The following ZNF543 variants were observed in gnomAD, a reference collection of about 807,000 sequenced individuals.
The protein encoded by ZNF543 is zinc finger protein 543.
A neutral mutation model predicts 13.4 loss-of-function variants in ZNF543; 10 were observed. The ratio of observed to expected loss-of-function variants is 0.75; its 90% confidence interval spans 0.46 to 1.26. ZNF543 has a LOEUF of 1.26. Among genes scored for constraint, ZNF543 ranks in the 50% most tolerant of loss-of-function variants. The pLI, the probability that ZNF543 is intolerant of heterozygous loss-of-function variation, is 0.00. For synonymous variants in ZNF543, 272 were observed against 264.7 expected, an observed-to-expected ratio of 1.03 and a Z score of -0.27; for missense variants, 768 against 741.2, an observed-to-expected ratio of 1.04 and a Z score of -0.42.
Position 57,328,664 on chromosome 19 carries a change from G to A in ZNF543, c.1202G>A (p.Gly401Glu), listed in dbSNP as rs750538577. 3 of 1,613,888 alleles carry A rather than the reference G, an allele frequency of 1.9e-6. No individual in the cohort carries two copies. Among genetic ancestry groups the A allele is most frequent in the Non-Finnish European group, 2.5e-6 (3 of 1,180,006 alleles). The change falls in exon 4 of 4, where the codon GGG (glycine) becomes GAG (glutamate). Residue 401 changes from glycine to glutamate, a missense_variant. This residue lies in a region of ZNF543 where 677 missense variants were observed against 631.4 expected (regional missense o/e 1.07). Transcript: ENST00000321545. ...GEKPYKCMEC[G>E]KAFNRRSHLK... ...AAGCCCTATAAGTGCATGGAGTGTG[G>A]GAAGGCGTTCAACCGTAGGTCACAC...
Position 57,326,843 on chromosome 19 carries a change from G to A in ZNF543, c.241+115G>A, listed in dbSNP as rs2088123702. The A allele has an allele frequency of 6.3e-6, 5 of 788,800 alleles. No individual in the cohort carries two copies. In the South Asian group the frequency reaches 8.3e-5, roughly 13 times the overall value. The allele number at this position is 788,800 out of a possible 1,614,324, so 48.9% of individuals were successfully genotyped here. On this transcript the variant is annotated intron_variant, in intron 3 of 3. Coordinates refer to ENST00000321545, the MANE Select transcript of ZNF543 (RefSeq NM_213598.4). ...TATTGTGGTCTCTCTGGGTGCTTGGGATCCATGGAGCCTCTCCCCGCCCGC... is the reference window on the plus strand; with the variant it reads ...TATTGTGGTCTCTCTGGGTGCTTGGAATCCATGGAGCCTCTCCCCGCCCGC...
chr19:57,323,704 T>C lies in ZNF543; in HGVS notation c.41T>C (p.Val14Ala), dbSNP rs2088103765. The C allele has an allele frequency of 6.2e-7, 1 of 1,613,600 alleles. No individual in the cohort carries two copies. The highest frequency in any genetic ancestry group is 1.3e-5 in the African/African-American group (1 of 75,030). ...SAQVSVTFEDVAVTFTQEEWG... is the reference protein window; with the variant it reads ...SAQVSVTFEDAAVTFTQEEWG... ...CAGGTGTCTGTGACCTTTGAGGATG[T>C]GGCTGTGACATTCACCCAGGAGGAG... Residue 14 changes from valine to alanine, a missense_variant, in exon 2 of 4, where the codon GTG becomes GCG. This residue lies in a region of ZNF543 where 77 missense variants were observed against 75.5 expected (regional missense o/e 1.02). Coordinates refer to ENST00000321545, the MANE Select transcript of ZNF543 (RefSeq NM_213598.4).
In ZNF543 at chr19:57,329,390, C is replaced by G; in HGVS notation, c.*125C>G. On this transcript the variant is annotated 3_prime_UTR_variant, in exon 4 of 4. Transcript: ENST00000321545. ...ACAATCAAGTTAGAAATTGAACCAG[C>G]CTGGAGTCTTATTCTCCACCTGAGA... 7.4e-7 allele frequency: 1 copy of G among 1,345,424 alleles called. No individual in the cohort carries two copies. Among genetic ancestry groups the G allele is most frequent in the Non-Finnish European group, 1.0e-6 (1 of 996,900 alleles). The allele number at this position is 1,345,424 out of a possible 1,614,324, so 83.3% of individuals were successfully genotyped here. A position where few individuals can be genotyped will look rare whatever the true frequency, so the allele number is the denominator to read the frequency against.
intron 1 of ZNF543, 135 bp from the exon 2 acceptor site, chr19:57,323,547 G>A (rs778365162): frequency 8.5e-7 from 1 of 1,171,634 alleles, no homozygotes; most frequent in Non-Finnish European, 1.3e-6. Context: ...GCCTGGCACA[G>A]ATCATGGCCC....
Position 57,329,404 on chromosome 19 carries a change from C to G in ZNF543, c.*139C>G, listed in dbSNP as rs2088148502. 1.6e-6 allele frequency: 2 copies of G among 1,224,854 alleles called. No individual in the cohort carries two copies. Among genetic ancestry groups the G allele is most frequent in the East Asian group, 2.4e-5 (1 of 42,054 alleles). The allele number at this position is 1,224,854 out of a possible 1,614,324, so 75.9% of individuals were successfully genotyped here. ...AATTGAACCAGCCTGGAGTCTTATT[C>G]TCCACCTGAGAATTCACCCATGAGA... On this transcript the variant is annotated 3_prime_UTR_variant, in exon 4 of 4. Coordinates refer to ENST00000321545, the MANE Select transcript of ZNF543 (RefSeq NM_213598.4).
In ZNF543 at chr19:57,326,677, A is replaced by C. The variant is rs148730252; in HGVS notation, c.190A>C (p.Arg64=). 2.0e-5 allele frequency: 33 copies of C among 1,614,032 alleles called. No individual in the cohort carries two copies. The African/African-American group carries it at 4.1e-4, about 20-fold the overall frequency. The change falls in exon 3 of 4, where the codon AGA becomes CGA. Residue 64 remains arginine (R), a synonymous_variant. Transcript: ENST00000321545. ...AGAGCTGATCTACCAGTTGGATCACAGACAGGAGCTATGGATGGCTACAAA... is the reference window on the plus strand; with the variant it reads ...AGAGCTGATCTACCAGTTGGATCACCGACAGGAGCTATGGATGGCTACAAA... ...KPELIYQLDH[R]QELWMATKDL...
At chr19:57,323,952 G>C in intron 2 of ZNF543, 144 bp downstream of exon 2, 9 of 992,382 alleles carry the variant, frequency 9.1e-6, no homozygotes, top group East Asian at 2.7e-5. Context: ...GCACTTGGGA[G>C]ACCAGGGTCT....
chr19:57,328,277 G>A lies in ZNF543; in HGVS notation c.815G>A (p.Arg272Gln), dbSNP rs370589594. Residue 272 changes from arginine to glutamine, a missense_variant, in exon 4 of 4, where the codon CGG becomes CAG. Transcript: ENST00000321545. ...KAFNRRSHLT[R>Q]HQRIHSGEKP... Reference sequence around the variant, plus strand: ...TTTAACCGCAGGTCACACCTCACACGGCACCAGCGGATTCACAGTGGAGAG... The same window carrying A: ...TTTAACCGCAGGTCACACCTCACACAGCACCAGCGGATTCACAGTGGAGAG... The A allele has an allele frequency of 1.3e-5, 21 of 1,611,390 alleles. No homozygotes were observed. Among genetic ancestry groups the A allele is most frequent in the Middle Eastern group, 1.7e-4 (1 of 6,042 alleles).
At chr19:57,322,012 T>G (rs2088092852) in intron 1 of ZNF543, among the ~76,000 whole-genome samples, 1 of 152,136 alleles carries the variant, frequency 6.6e-6, no homozygotes, top group Admixed American at 6.5e-5. Context: ...GGACACAAGA[T>G]TTTGTGGTCT....
intron 1 of ZNF543, among the ~76,000 whole-genome samples, chr19:57,322,315 C>G (rs549321293): frequency 6.6e-6 from 1 of 152,232 alleles, no homozygotes; most frequent in East Asian, 1.9e-4. Flanking sequence ...GGTGACTCTT[C>G]TGTGAGGTAG....
rs2088156174 is a variant in ZNF543 at position 57,330,406 on chromosome 19, C to G, written c.*1141C>G. 6.6e-6 allele frequency: 1 copy of G among 151,998 alleles called. No individual in the cohort carries two copies. 9.4% of individuals were successfully genotyped at this position (151,998 alleles called of 1,614,324 possible). ...CCTCTCCTTTGAGTTAGGTCCACCTCAGTTTTCTAAAGGTCAAATTAAGGC... is the reference window on the plus strand; with the variant it reads ...CCTCTCCTTTGAGTTAGGTCCACCTGAGTTTTCTAAAGGTCAAATTAAGGC... On this transcript the variant is annotated 3_prime_UTR_variant, in exon 4 of 4. Coordinates refer to ENST00000321545, the MANE Select transcript of ZNF543 (RefSeq NM_213598.4).
At chr19:57,324,322 G>A (rs2088108302) in intron 2 of ZNF543, among the ~76,000 whole-genome samples, 1 of 143,478 alleles carries the variant, frequency 7.0e-6, no homozygotes, top group Non-Finnish European at 1.5e-5. Flanking sequence ...CTACACTCCA[G>A]CCCAGGCGAC....
At position 57,320,839 on chromosome 19, in the gene ZNF543, C is replaced by G. The variant is rs1183438098; in HGVS notation, c.-15C>G. On this transcript the variant is annotated 5_prime_UTR_variant, in exon 1 of 4. Coordinates refer to ENST00000321545, the MANE Select transcript of ZNF543 (RefSeq NM_213598.4). ...GCGGCATTCCCGGGCCCCGCTAGGG[C>G]TGCAGGGTCTCAGGATGGCAGCCTC... 2 of 1,613,882 alleles carry G rather than the reference C, an allele frequency of 1.2e-6. No homozygotes were observed. Among genetic ancestry groups the G allele is most frequent in the Non-Finnish European group, 1.7e-6 (2 of 1,179,948 alleles).
At chr19:57,326,821 T>G (rs2088123638) in intron 3 of ZNF543, 93 bp downstream of exon 3, 1 of 1,032,488 alleles carries the variant, frequency 9.7e-7, no homozygotes, top group Admixed American at 2.0e-5. Flanking sequence ...ATCTTCTTAT[T>G]GTGGTCTCTC....
intron 1 of ZNF543, among the ~76,000 whole-genome samples, chr19:57,322,729 G>T (rs1243394578): frequency 1.3e-5 from 2 of 152,116 alleles, no homozygotes; most frequent in African/African-American, 2.4e-5. Context: ...GATGATGATG[G>T]TGAACTCAGG....
chr19:57,323,748 G>T lies in ZNF543; in HGVS notation c.85G>T (p.Ala29Ser), dbSNP rs187661589. The T allele has an allele frequency of 1.5e-5, 24 of 1,613,768 alleles. No individual in the cohort carries two copies. Among genetic ancestry groups the T allele is most frequent in the Non-Finnish European group, 1.9e-5 (23 of 1,179,758 alleles). ...GGAGGAGTGGGGACAGTTGGATGCAGCCCAGAGAACCTTGTATCAGGAGGT... is the reference window on the plus strand; with the variant it reads ...GGAGGAGTGGGGACAGTTGGATGCATCCCAGAGAACCTTGTATCAGGAGGT... ...TQEEWGQLDA[A>S]QRTLYQEVML... The change falls in exon 2 of 4, where the codon GCC becomes TCC. Residue 29 changes from alanine (A) to serine (S), a missense_variant. Around this residue, in one of 3 missense-constraint regions of ZNF543, gnomAD observed 77 missense variants for 75.5 expected, o/e 1.02. Transcript: ENST00000321545.
At chr19:57,323,862 T>G (rs192103421) in intron 2 of ZNF543, 54 bp downstream of exon 2, 1 of 1,581,266 alleles carries the variant, frequency 6.3e-7, no homozygotes, top group East Asian at 2.3e-5. Flanking sequence ...CCTACTCATG[T>G]TCCCCTCTCT....
intron 3 of ZNF543, 76 bp from the exon 4 acceptor site, chr19:57,327,628 A>G: frequency 1.3e-6 from 2 of 1,512,508 alleles, no homozygotes; most frequent in Non-Finnish European, 1.8e-6. Flanking sequence ...TACAGGTATG[A>G]ATCACTGTCC....
intron 1 of ZNF543, among the ~76,000 whole-genome samples, chr19:57,322,229 G>A (rs908799243): frequency 6.6e-6 from 1 of 152,196 alleles, no homozygotes; most frequent in Non-Finnish European, 1.5e-5. Context: ...ATGGGCATCT[G>A]TGAGGCCCAG....
Sources: gnomAD v4.1 joint callset for allele counts (sites outside exome capture counted in the v4.1 genomes callset) on GRCh38, gnomAD v4.1.1 for gene constraint, gnomAD v4.1.1 regional missense constraint, MANE v1.5 for transcripts, NCBI Gene and HGNC (gene_info 2026-07-23, HGNC 2026-07-21) for gene names.